PXDNL: variants seen among roughly 807,000 people sequenced by gnomAD.
PXDNL encodes the protein peroxidasin like.
Under a neutral mutation model 150.8 loss-of-function variants are expected in PXDNL, and 145 were observed. That is an observed-to-expected ratio of 0.96 (90% CI 0.84 to 1.10). PXDNL has a LOEUF of 1.10. PXDNL is among the 50% of genes least tolerant of loss of function. The pLI is 0.00. For missense variants in PXDNL, 2,087 were observed against 1,873.9 expected, an observed-to-expected ratio of 1.11 and a Z score of -2.10; for synonymous variants, 757 against 725.7, an observed-to-expected ratio of 1.04 and a Z score of -0.69.
At chr8:51,492,676 C>G (rs1421901506) in intron 5 of PXDNL, among the ~76,000 whole-genome samples, 2 of 152,184 alleles carry the variant, frequency 1.3e-5, no homozygotes, top group African/African-American at 2.4e-5. Flanking sequence ...CACGGAGCCT[C>G]TCTCATTGCT....
intron 1 of PXDNL, among the ~76,000 whole-genome samples, chr8:51,699,483 T>C (rs1374188037): frequency 6.6e-6 from 1 of 152,234 alleles, no homozygotes; most frequent in Admixed American, 6.5e-5. Context: ...GATTTGCTCT[T>C]CTATGCAGAT....
At chr8:51,336,523 C>T (rs1586010788) in intron 21 of PXDNL, among the ~76,000 whole-genome samples, 1 of 152,164 alleles carries the variant, frequency 6.6e-6, no homozygotes, top group South Asian at 2.1e-4. Flanking sequence ...CTCAAAAGAC[C>T]GTTGGCCCTC....
rs887693931 is a variant in PXDNL, at chr8:51,512,099, C to T, written c.381-12329G>A. Among the ~76,000 whole-genome samples the T allele has an allele frequency of 5.9e-5, 9 of 152,122 alleles. No individual in the cohort carries two copies. The East Asian group carries it at 1.7e-3, about 29-fold the overall frequency. ...CTGAAACCATTCCCATAAAAAAAAA[C>T]TCAAGTGGGCAGGTGTGCACAATTT... On this transcript the variant is annotated intron_variant, in intron 4 of 22. Transcript: ENST00000356297.
chr8:51,657,828 T>C (rs908331651), intron 1 of PXDNL, among the ~76,000 whole-genome samples: 4 of 152,162 alleles, frequency 2.6e-5, no homozygotes, highest in Admixed American at 2.6e-4. Flanking sequence ...GCCAAGGTGC[T>C]ATATGTATCT....
intron 4 of PXDNL, among the ~76,000 whole-genome samples, chr8:51,533,826 G>C (rs889723622): frequency 1.3e-5 from 2 of 150,582 alleles, no homozygotes; most frequent in Middle Eastern, 3.4e-3. Flanking sequence ...GCGTGATCTC[G>C]GCTCGCTACA....
intron 21 of PXDNL, among the ~76,000 whole-genome samples, chr8:51,322,417 G>A (rs960808694): frequency 6.6e-6 from 1 of 152,140 alleles, no homozygotes; most frequent in African/African-American, 2.4e-5. Context: ...TTGTTGGGGA[G>A]ATCTACAGAG....
At chr8:51,585,156 G>T (rs35923500) in intron 3 of PXDNL, among the ~76,000 whole-genome samples, 1 of 152,090 alleles carries the variant, frequency 6.6e-6, no homozygotes, top group Non-Finnish European at 1.5e-5. Context: ...TAAGGAGTGC[G>T]TTTGAAGGGA....
intron 8 of PXDNL, among the ~76,000 whole-genome samples, chr8:51,468,210 T>C (rs760609650): frequency 6.6e-6 from 1 of 152,010 alleles, no homozygotes; most frequent in Non-Finnish European, 1.5e-5. Flanking sequence ...TTGTTCCTAA[T>C]CGTTCTGGGA....
intron 4 of PXDNL, among the ~76,000 whole-genome samples, chr8:51,506,008 C>T (rs373241383): frequency 5.6e-4 from 86 of 152,250 alleles, no homozygotes; most frequent in African/African-American, 2.0e-3. Context: ...TTTCAGAGCA[C>T]GGTAAATTAT....
chr8:51,675,652 G>A (rs1332278759), intron 1 of PXDNL, among the ~76,000 whole-genome samples: 3 of 151,828 alleles, frequency 2.0e-5, no homozygotes, highest in South Asian at 2.1e-4. Context: ...AATTAGCTGG[G>A]TGCAGTGACA....
At chr8:51,391,839 C>T (rs536506270) in intron 17 of PXDNL, among the ~76,000 whole-genome samples, 19 of 152,158 alleles carry the variant, frequency 1.2e-4, no homozygotes, top group African/African-American at 4.6e-4. Flanking sequence ...ATGGTAATGC[C>T]TAGGTTTTCT....
At chr8:51,514,712 C>T (rs1028608398) in intron 4 of PXDNL, among the ~76,000 whole-genome samples, 2 of 152,182 alleles carry the variant, frequency 1.3e-5, no homozygotes, top group African/African-American at 4.8e-5. Context: ...CACTATGCCA[C>T]TCCACAAAGT....
chr8:51,473,270 AAT>A (rs1810387849), intron 7 of PXDNL, among the ~76,000 whole-genome samples: 1 of 38,190 alleles, frequency 2.6e-5, no homozygotes, highest in Non-Finnish European at 9.1e-5. Context: ...AGCAGTAGAA[AAT>A]AAACACACAC....
chr8:51,806,971 C>T (rs562494766), intron 1 of PXDNL, among the ~76,000 whole-genome samples: 13 of 152,228 alleles, frequency 8.5e-5, no homozygotes, highest in Middle Eastern at 3.4e-3. Flanking sequence ...TAATTCCTGT[C>T]CTGAATTGCA....
chr8:51,718,780 G>A (rs1422303431), intron 1 of PXDNL, among the ~76,000 whole-genome samples: 2 of 152,160 alleles, frequency 1.3e-5, no homozygotes, highest in East Asian at 1.9e-4. Flanking sequence ...CCCCTCTGTG[G>A]TGTATTAGGG....
chr8:51,653,988 T>G (rs926275680), intron 2 of PXDNL, among the ~76,000 whole-genome samples: 43 of 152,268 alleles, frequency 2.8e-4, no homozygotes, highest in Admixed American at 2.0e-4. Flanking sequence ...ACATAGGAAT[T>G]TTTTCTATTA....
At chr8:51,572,273 G>A (rs1253997938) in intron 3 of PXDNL, among the ~76,000 whole-genome samples, 1 of 151,864 alleles carries the variant, frequency 6.6e-6, no homozygotes, top group Admixed American at 6.6e-5. Flanking sequence ...ATGCAAAGCA[G>A]TATTCATAGC....
At chr8:51,349,174 G>A (rs374771069) in intron 19 of PXDNL, among the ~76,000 whole-genome samples, 139 of 23,878 alleles carry the variant, frequency 5.8e-3, no homozygotes, top group Middle Eastern at 0.02. Context: ...TGTGTGTGTG[G>A]GGGTGTGTGT....
intron 1 of PXDNL, among the ~76,000 whole-genome samples, chr8:51,732,044 T>C (rs529265973): frequency 6.6e-6 from 1 of 152,334 alleles, no homozygotes; most frequent in South Asian, 2.1e-4. Flanking sequence ...CTTGAATTTA[T>C]CCTCAGAAAA....
Sources: gnomAD v4.1 joint callset for allele counts (sites outside exome capture counted in the v4.1 genomes callset) on GRCh38, gnomAD v4.1.1 for gene constraint, MANE v1.5 for transcripts, NCBI Gene and HGNC (gene_info 2026-07-23, HGNC 2026-07-21) for gene names.